MEOX2: variants seen among roughly 807,000 people sequenced by gnomAD.
MEOX2 encodes mesenchyme homeobox 2.
MEOX2 carries 11 observed loss-of-function variants against 27.0 expected under a neutral mutation model. That is an observed-to-expected ratio of 0.41 (90% CI 0.26 to 0.68). The LOEUF (loss-of-function observed/expected upper bound fraction) is 0.68. MEOX2 is among the 30% of genes least tolerant of loss of function. The pLI, the probability that MEOX2 is intolerant of heterozygous loss-of-function variation, is 0.33. For missense variants in MEOX2, 436 were observed against 385.4 expected (o/e 1.13, Z -1.10); for synonymous variants, 189 against 155.4 (o/e 1.22, Z -1.61).
chr7:15,655,253 T>C (rs2115379702), intron 1 of MEOX2, among the ~76,000 whole-genome samples: 1 of 151,900 alleles, frequency 6.6e-6, no homozygotes, highest in African/African-American at 2.4e-5. Context: ...AATGCTGGCA[T>C]TTTTGTGGCT....
chr7:15,658,999 G>A (rs964601921), intron 1 of MEOX2, among the ~76,000 whole-genome samples: 1 of 151,988 alleles, frequency 6.6e-6, no homozygotes, highest in Non-Finnish European at 1.5e-5. Context: ...TGTCCAATGA[G>A]CCAGTACTTT....
At chr7:15,661,349 G>A (rs190815010) in intron 1 of MEOX2, among the ~76,000 whole-genome samples, 3 of 152,286 alleles carry the variant, frequency 2.0e-5, no homozygotes, top group Non-Finnish European at 1.5e-5. Flanking sequence ...TGGTTTAAGA[G>A]AGGGATATTC....
At chr7:15,613,395 CA>C (rs11370680) in intron 2 of MEOX2, among the ~76,000 whole-genome samples, 16 of 149,042 alleles carry the variant, frequency 1.1e-4, no homozygotes, top group South Asian at 4.2e-4. Context: ...GTATTAAAAA[CA>C]AAAAAAACAG....
intron 1 of MEOX2, among the ~76,000 whole-genome samples, chr7:15,646,289 A>G (rs1260946983): frequency 1.3e-5 from 2 of 152,020 alleles, no homozygotes; most frequent in African/African-American, 4.8e-5. Flanking sequence ...CTTCTTTGGA[A>G]ACTTCCTATA....
chr7:15,649,030 A>T (rs992825868), intron 1 of MEOX2, among the ~76,000 whole-genome samples: 35 of 152,106 alleles, frequency 2.3e-4, no homozygotes, highest in African/African-American at 7.5e-4. Context: ...CAACTCCCTG[A>T]GTAACAAAGC....
At chr7:15,619,235 AT>A (rs1321970249) in intron 2 of MEOX2, among the ~76,000 whole-genome samples, 5 of 151,858 alleles carry the variant, frequency 3.3e-5, no homozygotes, top group Non-Finnish European at 7.4e-5. Flanking sequence ...CAGTTTTAGA[AT>A]TTTTTTTAAC....
chr7:15,651,679 C>G (rs957430578), intron 1 of MEOX2, among the ~76,000 whole-genome samples: 4 of 151,944 alleles, frequency 2.6e-5, no homozygotes, highest in African/African-American at 9.7e-5. Flanking sequence ...GCACTAGACT[C>G]TGTACTCTTG....
intron 2 of MEOX2, among the ~76,000 whole-genome samples, chr7:15,617,424 G>T (rs1295402094): frequency 6.6e-6 from 1 of 151,968 alleles, no homozygotes; most frequent in African/African-American, 2.4e-5. Flanking sequence ...TAAATCCAAA[G>T]ACTAGCCTAA....
At chr7:15,637,006 G>A (rs1223546338) in intron 1 of MEOX2, among the ~76,000 whole-genome samples, 1 of 151,944 alleles carries the variant, frequency 6.6e-6, no homozygotes, top group Non-Finnish European at 1.5e-5. Context: ...TTCAACACGT[G>A]AATTTTGGGA....
chr7:15,624,557 C>G (rs1231940351), intron 2 of MEOX2, among the ~76,000 whole-genome samples: 1 of 152,082 alleles, frequency 6.6e-6, no homozygotes, highest in African/African-American at 2.4e-5. Flanking sequence ...CCTGGGAATG[C>G]TTCTATCACC....
intron 1 of MEOX2, among the ~76,000 whole-genome samples, chr7:15,637,141 ATACT>A (rs2115367856): frequency 6.6e-6 from 1 of 152,220 alleles, no homozygotes; most frequent in African/African-American, 2.4e-5. Flanking sequence ...TTTTAAAATC[ATACT>A]TAATTTCATA....
chr7:15,683,655 C>G (rs1378193921), intron 1 of MEOX2, among the ~76,000 whole-genome samples: 1 of 152,064 alleles, frequency 6.6e-6, no homozygotes, highest in African/African-American at 2.4e-5. Flanking sequence ...CAATATCTGA[C>G]AAATATACCT....
intron 1 of MEOX2, among the ~76,000 whole-genome samples, chr7:15,643,721 A>T (rs1346111731): frequency 1.3e-5 from 2 of 152,144 alleles, no homozygotes; most frequent in Non-Finnish European, 2.9e-5. Flanking sequence ...AGGGGTGCCC[A>T]GCCGCTGTGC....
chr7:15,624,626 T>A (rs1248919949), intron 2 of MEOX2, among the ~76,000 whole-genome samples: 6 of 152,032 alleles, frequency 3.9e-5, no homozygotes, highest in African/African-American at 1.4e-4. Context: ...GGCCCAACCA[T>A]CTCTTTCTTA....
intron 1 of MEOX2, among the ~76,000 whole-genome samples, chr7:15,670,020 G>GA: frequency 6.6e-6 from 1 of 152,232 alleles, no homozygotes; most frequent in South Asian, 2.1e-4. Context: ...CTCCCTAGTT[G>GA]ACCTTACATT....
intron 2 of MEOX2, among the ~76,000 whole-genome samples, chr7:15,620,654 G>C (rs936404173): frequency 1.2e-4 from 19 of 152,094 alleles, no homozygotes; most frequent in African/African-American, 3.9e-4. Context: ...CTCTTTAGTA[G>C]TCATCAAAAA....
At chr7:15,645,137 T>C (rs1399794152) in intron 1 of MEOX2, among the ~76,000 whole-genome samples, 1 of 152,228 alleles carries the variant, frequency 6.6e-6, no homozygotes, top group African/African-American at 2.4e-5. Flanking sequence ...GAAAGTGATA[T>C]TCTAAAAGCT....
intron 1 of MEOX2, among the ~76,000 whole-genome samples, chr7:15,667,463 A>G (rs1165681217): frequency 6.6e-6 from 1 of 151,794 alleles, no homozygotes; most frequent in African/African-American, 2.4e-5. Flanking sequence ...TGGCTTCCCT[A>G]TTGTACTGCG....
At chr7:15,659,942 G>C (rs1315902240) in intron 1 of MEOX2, among the ~76,000 whole-genome samples, 2 of 152,078 alleles carry the variant, frequency 1.3e-5, no homozygotes, top group Admixed American at 1.3e-4. Flanking sequence ...TACAGACTTT[G>C]TCTCTGTAAT....
Sources: allele counts gnomAD v4.1 joint callset (sites outside exome capture counted in the v4.1 genomes callset), GRCh38; gene constraint gnomAD v4.1.1; transcripts MANE v1.5; gene names NCBI Gene and HGNC (gene_info 2026-07-23, HGNC 2026-07-21).